Variants in MILR1 observed in about 807,000 individuals in gnomAD.
MILR1 encodes the protein mast cell immunoglobulin like receptor 1, also known as allergin-1.
In MILR1, 31 loss-of-function variants were observed where a neutral mutation model predicts 18.5. That is an observed-to-expected ratio of 1.68 (90% CI 1.26 to 2.26). MILR1 has a LOEUF of 2.26. Ranked by LOEUF, MILR1 falls within the 30% of genes most tolerant of loss-of-function variation. MILR1 has a pLI of 0.00. For synonymous variants in MILR1, 85 were observed against 56.2 expected, an observed-to-expected ratio of 1.51 and a Z score of -2.30; for missense variants, 257 against 157.4, an observed-to-expected ratio of 1.63 and a Z score of -3.38.
downstream of MILR1, among the ~76,000 whole-genome samples, chr17:64,470,497 T>C (rs2037671149): frequency 1.3e-5 from 2 of 152,326 alleles, no homozygotes; most frequent in South Asian, 4.1e-4. Context: ...ATTTAAAAAA[T>C]ATTGTGAAGC....
chr17:64,478,732 C>T, the MILR1 span, among the ~76,000 whole-genome samples: 2 of 151,688 alleles, frequency 1.3e-5, no homozygotes, highest in Non-Finnish European at 2.9e-5. Context: ...CCCATCTCTA[C>T]CAAAACTACA....
At chr17:64,489,248 G>A in the MILR1 span, among the ~76,000 whole-genome samples, 1 of 149,260 alleles carries the variant, frequency 6.7e-6, no homozygotes, top group Non-Finnish European at 1.5e-5. Flanking sequence ...GTAACCCCCT[G>A]AGAAAGTAAT....
At chr17:64,455,668 G>T (rs1351467103) in intron 3 of MILR1, among the ~76,000 whole-genome samples, 3 of 143,320 alleles carry the variant, frequency 2.1e-5, no homozygotes. Flanking sequence ...CACCATGTTA[G>T]CCAGGATGGT....
At chr17:64,477,411 T>G in the MILR1 span, among the ~76,000 whole-genome samples, 1 of 152,246 alleles carries the variant, frequency 6.6e-6, no homozygotes, top group African/African-American at 2.4e-5. Flanking sequence ...CTCTTGTCTC[T>G]TTAACTTTTC....
At chr17:64,497,337 AT>A in the MILR1 span, among the ~76,000 whole-genome samples, 4 of 152,252 alleles carry the variant, frequency 2.6e-5, no homozygotes, top group Non-Finnish European at 5.9e-5. Flanking sequence ...GAAAATTAAA[AT>A]ACTTCAGTAT....
intron 3 of MILR1, among the ~76,000 whole-genome samples, chr17:64,455,914 C>T (rs2037288326): frequency 6.6e-6 from 1 of 151,934 alleles, no homozygotes; most frequent in African/African-American, 2.4e-5. Flanking sequence ...GTGGTGGGCA[C>T]CTGTAATCCC....
downstream of MILR1, among the ~76,000 whole-genome samples, chr17:64,471,970 C>T (rs2037692399): frequency 6.6e-6 from 1 of 152,096 alleles, no homozygotes; most frequent in Non-Finnish European, 1.5e-5. Context: ...GGACTCCTAC[C>T]TCATTCTTTA....
intron 9 of MILR1, 92 bp from the exon 10 acceptor site, chr17:64,468,218 G>C: frequency 2.2e-6 from 1 of 456,004 alleles, no homozygotes. Flanking sequence ...TGGGGCTCCA[G>C]ACATTGCTTG....
At chr17:64,476,505 C>A in the MILR1 span, among the ~76,000 whole-genome samples, 2 of 151,896 alleles carry the variant, frequency 1.3e-5, no homozygotes, top group East Asian at 1.9e-4. Context: ...CATAGTGAGA[C>A]CCTGTCTCTT....
At chr17:64,472,458 T>G (rs140290142), downstream of MILR1, among the ~76,000 whole-genome samples, 28,041 of 78,228 alleles carry the variant, frequency 0.36, 4,190 homozygotes, top group South Asian at 0.54. Context: ...AGAGCAAGAC[T>G]CCATCTCAAA....
At chr17:64,475,419 C>T in the MILR1 span, among the ~76,000 whole-genome samples, 2 of 151,422 alleles carry the variant, frequency 1.3e-5, no homozygotes, top group Non-Finnish European at 3.0e-5. Context: ...GAGGCCGAGG[C>T]GGGCGGATCA....
chr17:64,481,346 C>T, the MILR1 span: 1 of 985,314 alleles, frequency 1.0e-6, no homozygotes, highest in Non-Finnish European at 1.2e-6. Flanking sequence ...GGTCAGAAAG[C>T]TGGGGGACTC....
downstream of MILR1, among the ~76,000 whole-genome samples, chr17:64,472,061 G>A (rs1208176974): frequency 6.6e-6 from 1 of 152,042 alleles, no homozygotes; most frequent in Non-Finnish European, 1.5e-5. Flanking sequence ...CTTGAAGTGG[G>A]GAGGACTTTT....
In MILR1 at chr17:64,452,842, CGT is replaced by C; in HGVS notation, c.345_346del (p.Asp116LeufsTer46). ...AGTTACCAGCTGTTCAAAATACAGT[CGT>C]GACTTCAGCTTCACGATTGTCGGTA... ...AQVTSCSKYSRDFSFTIVDPV... is the reference protein window; with the variant it reads ...AQVTSCSKYSXDFSFTIVDPV... On this transcript the variant is annotated frameshift_variant, in exon 3 of 10. Coordinates refer to ENST00000619286, the MANE Select transcript of MILR1 (RefSeq NM_001085423.2). LOFTEE classifies it high-confidence loss of function. 2.1e-6 allele frequency: 1 copy of C among 475,162 alleles called. No homozygotes were observed. 29.4% of individuals were successfully genotyped at this position (475,162 alleles called of 1,614,324 possible). A position where few individuals can be genotyped will look rare whatever the true frequency, so the allele number is the denominator to read the frequency against.
chr17:64,467,908 C>T, intron 9 of MILR1: 1 of 270,918 alleles, frequency 3.7e-6, no homozygotes, highest in East Asian at 1.0e-4. Flanking sequence ...GCACTACAGC[C>T]TGGGCGACAA....
chr17:64,479,187 T>TTA, the MILR1 span, among the ~76,000 whole-genome samples: 1 of 150,412 alleles, frequency 6.6e-6, no homozygotes, highest in Non-Finnish European at 1.5e-5. Context: ...AAAGGTGTTT[T>TTA]TTTTTTTTTT....
At chr17:64,486,553 G>A in the MILR1 span, among the ~76,000 whole-genome samples, 3 of 152,058 alleles carry the variant, frequency 2.0e-5, no homozygotes, top group South Asian at 2.1e-4. Context: ...TAGTAGGGAC[G>A]GGGTTTCACC....
At chr17:64,479,431 C>T in the MILR1 span, among the ~76,000 whole-genome samples, 2 of 151,904 alleles carry the variant, frequency 1.3e-5, no homozygotes, top group Admixed American at 6.6e-5. Context: ...GTGATCTGCC[C>T]GCCTCAACCT....
Position 64,466,604 on chromosome 17 carries a change from C to T in MILR1, c.921C>T (p.His307=), listed in dbSNP as rs1555663309. ...CVSTAQDEAK[H]SQELQYATPV... Reference sequence around the variant, plus strand: ...TTATCTTTTGCCCAGAGGCCAAACACTCCCAGGAGCTACAGTATGCCACCC... The same window carrying T: ...TTATCTTTTGCCCAGAGGCCAAACATTCCCAGGAGCTACAGTATGCCACCC... Residue 307 remains histidine, a synonymous_variant, in exon 8 of 10, where the codon CAC becomes CAT. Transcript: ENST00000619286. 4 of 1,611,434 alleles carry T rather than the reference C, an allele frequency of 2.5e-6. No individual in the cohort carries two copies. The highest frequency in any genetic ancestry group is 3.4e-6 in the Non-Finnish European group (4 of 1,178,804).
Sources: allele counts gnomAD v4.1 joint callset (sites outside exome capture counted in the v4.1 genomes callset), GRCh38; gene constraint gnomAD v4.1.1; transcripts MANE v1.5; gene names NCBI Gene and HGNC (gene_info 2026-07-23, HGNC 2026-07-21).